Variants in ABLIM1 observed in about 807,000 individuals in gnomAD.
ABLIM1 encodes actin binding LIM protein 1.
In ABLIM1, 40 loss-of-function variants were observed where a neutral mutation model predicts 107.0. The ratio of observed to expected loss-of-function variants is 0.37; its 90% CI spans 0.29 to 0.49. The LOEUF (loss-of-function observed/expected upper bound fraction) is 0.49. Ranked by LOEUF, ABLIM1 falls within the 20% of genes least tolerant of loss-of-function variation. The pLI, the probability that ABLIM1 is intolerant of heterozygous loss-of-function variation, is 0.97. For synonymous variants in ABLIM1, 357 were observed against 357.3 expected (o/e 1.00, Z 0.01); for missense variants, 857 against 1,008.5 (o/e 0.85, Z 2.04).
intron 12 of ABLIM1, among the ~76,000 whole-genome samples, chr10:114,457,983 G>A (rs1485488990): frequency 6.6e-6 from 1 of 151,910 alleles, no homozygotes; most frequent in East Asian, 1.9e-4. Flanking sequence ...TATGGCAGGA[G>A]AATTGCTTGA....
chr10:114,453,493 G>A lies in ABLIM1; in HGVS notation c.1442-10C>T. 1 of 1,524,592 alleles carries A rather than the reference G, an allele frequency of 6.6e-7. No homozygotes were observed. Among genetic ancestry groups the A allele is most frequent in the East Asian group, 2.4e-5 (1 of 42,008 alleles). 94.4% of individuals were successfully genotyped at this position (1,524,592 alleles called of 1,614,324 possible). ...CTGGACGGCTCATTGCCTCCAATGA[G>A]AAGAATGGAAAAAACAAAATGAGAG... On this transcript the variant is annotated splice_polypyrimidine_tract_variant and intron_variant, in intron 12 of 22. Transcript: ENST00000533213.
At chr10:114,656,225 A>G (rs2079509019) in intron 1 of ABLIM1, among the ~76,000 whole-genome samples, 2 of 141,272 alleles carry the variant, frequency 1.4e-5, no homozygotes, top group African/African-American at 5.3e-5. Flanking sequence ...AGCCGAGATC[A>G]CGCCATTACA....
intron 1 of ABLIM1, among the ~76,000 whole-genome samples, chr10:114,617,612 C>T (rs899994074): frequency 3.9e-5 from 6 of 152,064 alleles, no homozygotes; most frequent in African/African-American, 9.7e-5. Flanking sequence ...CAAGGGACCT[C>T]GGGCCATTCC....
rs753646130 is a variant in ABLIM1, at chr10:114,601,958, G to A, written c.248C>T (p.Ala83Val). 3.6e-5 allele frequency: 58 copies of A among 1,613,666 alleles called. No individual in the cohort carries two copies. Among genetic ancestry groups the A allele is most frequent in the Non-Finnish European group, 4.5e-5 (53 of 1,179,728 alleles). The change falls in exon 2 of 23, where the codon GCC becomes GTC. Residue 83 changes from alanine to valine, a missense_variant. Ala to Val is a moderately conservative substitution (Grantham distance 64). This residue lies in a region of ABLIM1 where 176 missense variants were observed against 173.5 expected (regional missense o/e 1.01). Transcript: ENST00000533213. ...TGGGTGGTGAGGGTCCTGAGGGTGGGCCACTGAAAGAAAATCAACAAAAGA... is the reference window on the plus strand; with the variant it reads ...TGGGTGGTGAGGGTCCTGAGGGTGGACCACTGAAAGAAAATCAACAAAAGA... Reference protein sequence around the residue: ...RVCNSVDPFVAHPQDPHHPSE... With the variant: ...RVCNSVDPFVVHPQDPHHPSE...
intron 1 of ABLIM1, among the ~76,000 whole-genome samples, chr10:114,748,976 G>A (rs995909414): frequency 3.3e-5 from 5 of 152,132 alleles, no homozygotes; most frequent in Admixed American, 1.3e-4. Context: ...CCCAGCAAGC[G>A]GCTGAGATTT....
At chr10:114,567,024 G>C (rs1433992500) in intron 4 of ABLIM1, among the ~76,000 whole-genome samples, 1 of 152,218 alleles carries the variant, frequency 6.6e-6, no homozygotes, top group Non-Finnish European at 1.5e-5. Context: ...ACTCCAGCCT[G>C]GGCGACAGAG....
chr10:114,522,137 T>C (rs2063838585), intron 6 of ABLIM1, among the ~76,000 whole-genome samples: 1 of 152,116 alleles, frequency 6.6e-6, no homozygotes, highest in Non-Finnish European at 1.5e-5. Context: ...AGGGAAGATG[T>C]AGGTAATCAG....
chr10:114,535,384 C>A (rs571655252), intron 6 of ABLIM1, among the ~76,000 whole-genome samples: 1 of 152,218 alleles, frequency 6.6e-6, no homozygotes, highest in South Asian at 2.1e-4. Context: ...GATCTTGGCT[C>A]ACCGCAGCCT....
intron 6 of ABLIM1, among the ~76,000 whole-genome samples, chr10:114,534,659 T>G: frequency 6.6e-6 from 1 of 152,116 alleles, no homozygotes; most frequent in Non-Finnish European, 1.5e-5. Flanking sequence ...CATGTGGGGC[T>G]CCTAGCACAT....
intron 1 of ABLIM1, among the ~76,000 whole-genome samples, chr10:114,751,500 T>C (rs1341618163): frequency 6.6e-6 from 1 of 151,868 alleles, no homozygotes; most frequent in Non-Finnish European, 1.5e-5. Flanking sequence ...AAAAATGGCA[T>C]ACAACACTTT....
intron 6 of ABLIM1, among the ~76,000 whole-genome samples, chr10:114,527,232 G>A (rs760300543): frequency 2.0e-5 from 3 of 152,126 alleles, no homozygotes; most frequent in Non-Finnish European, 4.4e-5. Flanking sequence ...CCCTGCTTTT[G>A]AGGTACATGT....
chr10:114,770,300 A>G (rs1402564934), upstream of ABLIM1, among the ~76,000 whole-genome samples: 1 of 152,208 alleles, frequency 6.6e-6, no homozygotes, highest in African/African-American at 2.4e-5. Context: ...ATGGTGAACA[A>G]GATAGACATG....
chr10:114,561,957 A>AT (rs1162006016), intron 4 of ABLIM1, among the ~76,000 whole-genome samples: 1 of 152,228 alleles, frequency 6.6e-6, no homozygotes, highest in African/African-American at 2.4e-5. Flanking sequence ...TGTCTGGGTC[A>AT]TAATTGTTAC....
At chr10:114,589,688 G>A (rs987900391) in intron 2 of ABLIM1, among the ~76,000 whole-genome samples, 1 of 152,110 alleles carries the variant, frequency 6.6e-6, no homozygotes, top group Non-Finnish European at 1.5e-5. Flanking sequence ...GACAACAAAT[G>A]TGTGCCACCA....
intron 6 of ABLIM1, among the ~76,000 whole-genome samples, chr10:114,501,812 C>A (rs2135592782): frequency 6.6e-6 from 1 of 152,324 alleles, no homozygotes; most frequent in South Asian, 2.1e-4. Flanking sequence ...GCATTTGCCA[C>A]AAATTATGAA....
intron 6 of ABLIM1, among the ~76,000 whole-genome samples, chr10:114,541,520 G>C (rs1490433648): frequency 6.6e-6 from 1 of 151,896 alleles, no homozygotes; most frequent in Admixed American, 6.6e-5. Flanking sequence ...CTTTGTGTTG[G>C]TAACCAAGCC....
At chr10:114,564,357 C>G (rs2070325351) in intron 4 of ABLIM1, among the ~76,000 whole-genome samples, 1 of 152,030 alleles carries the variant, frequency 6.6e-6, no homozygotes, top group Non-Finnish European at 1.5e-5. Context: ...CTCCGCCTCC[C>G]GGGTTCAAGC....
intron 21 of ABLIM1, 33 bp from the exon 22 acceptor site, chr10:114,437,957 C>G: frequency 3.8e-6 from 6 of 1,577,886 alleles, no homozygotes; most frequent in Non-Finnish European, 4.4e-6. Context: ...TTCTAGAACA[C>G]CACAGTCCAT....
intron 1 of ABLIM1, among the ~76,000 whole-genome samples, chr10:114,667,197 G>A (rs1339009665): frequency 6.6e-6 from 1 of 152,188 alleles, no homozygotes; most frequent in Non-Finnish European, 1.5e-5. Flanking sequence ...GGGGAAGGTA[G>A]CGGGGTGCAA....
Sources: allele counts gnomAD v4.1 joint callset (sites outside exome capture counted in the v4.1 genomes callset), GRCh38; gene constraint gnomAD v4.1.1; regional missense constraint gnomAD v4.1.1; transcripts MANE v1.5; gene names NCBI Gene and HGNC (gene_info 2026-07-23, HGNC 2026-07-21).